COL23A1: variants seen among roughly 807,000 people sequenced by gnomAD.
COL23A1 encodes the protein collagen type XXIII alpha 1 chain, also known as collagen alpha-1(XXIII) chain.
Under a neutral mutation model 99.3 loss-of-function variants are expected in COL23A1, and 97 were observed. The observed-to-expected ratio is 0.98, with a 90% CI of 0.83 to 1.16. The LOEUF (loss-of-function observed/expected upper bound fraction) is 1.16, where lower values mean the gene tolerates loss of function less well. COL23A1 is among the 50% of genes most tolerant of loss of function. The probability of loss-of-function intolerance (pLI) is 0.00; values close to 1 mark genes in which losing one functional copy is unlikely to be tolerated. For synonymous variants in COL23A1, 320 were observed against 308.2 expected (o/e 1.04, Z -0.40); for missense variants, 762 against 757.4 (o/e 1.01, Z -0.07).
intron 2 of COL23A1, among the ~76,000 whole-genome samples, chr5:178,354,411 T>C (rs1366405691): frequency 6.6e-6 from 1 of 152,106 alleles, no homozygotes; most frequent in Admixed American, 6.5e-5. Flanking sequence ...GGTTTTCTCA[T>C]GTGATATGGT....
At chr5:178,347,879 C>CAAAAA (rs748111944) in intron 2 of COL23A1, among the ~76,000 whole-genome samples, 5 of 44,544 alleles carry the variant, frequency 1.1e-4, no homozygotes, top group East Asian at 1.1e-3. Flanking sequence ...GACTCTGTCT[C>CAAAAA]AAAAAAAAAA....
At chr5:178,433,707 AT>A (rs1766391901) in intron 2 of COL23A1, among the ~76,000 whole-genome samples, 1 of 152,202 alleles carries the variant, frequency 6.6e-6, no homozygotes. Context: ...AGAACCAGGG[AT>A]AAATACCAAA....
intron 2 of COL23A1, among the ~76,000 whole-genome samples, chr5:178,519,094 C>A (rs899508780): frequency 1.3e-5 from 2 of 152,002 alleles, no homozygotes; most frequent in African/African-American, 4.8e-5. Context: ...CTCCCTAAGC[C>A]ACCGACCCCA....
chr5:178,286,823 G>C (rs982468828), intron 5 of COL23A1, among the ~76,000 whole-genome samples: 1 of 152,216 alleles, frequency 6.6e-6, no homozygotes, highest in African/African-American at 2.4e-5. Flanking sequence ...GATGCTCGAG[G>C]CTGGTGGGGA....
chr5:178,452,275 T>C (rs564155336), intron 2 of COL23A1, among the ~76,000 whole-genome samples: 2 of 152,286 alleles, frequency 1.3e-5, no homozygotes, highest in East Asian at 3.9e-4. Flanking sequence ...AATATTCAAT[T>C]ATCAGTTGAA....
intron 2 of COL23A1, among the ~76,000 whole-genome samples, chr5:178,400,171 C>T (rs1192589316): frequency 3.3e-5 from 5 of 151,992 alleles, no homozygotes; most frequent in African/African-American, 4.8e-5. Flanking sequence ...TCGAGACCAT[C>T]CTGGCTAACA....
rs114208900 is a variant in COL23A1 at position 178,380,803 on chromosome 5, C to T, written c.362-73884G>A. ...CAGGGACTTCACCTGTCCCCAGCGT[C>T]CTGCTGAGCAGGGTCACAATATGAG... On this transcript the variant is annotated intron_variant, in intron 2 of 28. Coordinates refer to ENST00000390654, the MANE Select transcript of COL23A1 (RefSeq NM_173465.4). 1.6e-3 allele frequency among the ~76,000 whole-genome samples: 246 copies of T among 152,296 alleles called. 1 individual carries two copies. The highest frequency in any genetic ancestry group is 5.6e-3 in the African/African-American group (233 of 41,574).
chr5:178,463,605 T>A (rs573997945), intron 2 of COL23A1, among the ~76,000 whole-genome samples: 148 of 152,280 alleles, frequency 9.7e-4, no homozygotes, highest in Middle Eastern at 3.4e-3. Context: ...GCTTTGCCGA[T>A]GAGGATGCCA....
intron 2 of COL23A1, among the ~76,000 whole-genome samples, chr5:178,333,587 C>T (rs1760158697): frequency 6.6e-6 from 1 of 152,172 alleles, no homozygotes; most frequent in Non-Finnish European, 1.5e-5. Flanking sequence ...CATCCCCTGC[C>T]TCCTGGACCC....
chr5:178,274,413 G>A (rs1264562746), intron 5 of COL23A1, among the ~76,000 whole-genome samples: 3 of 152,240 alleles, frequency 2.0e-5, no homozygotes, highest in African/African-American at 4.8e-5. Flanking sequence ...GGTGGGGGGC[G>A]TGGTCAGGCT....
rs1756898124 is a variant in COL23A1 at position 178,281,511 on chromosome 5, C to T, written c.441+6813G>A. 6.6e-6 allele frequency among the ~76,000 whole-genome samples: 1 copy of T among 152,146 alleles called. No homozygotes were observed. Among genetic ancestry groups the T allele is most frequent in the Non-Finnish European group, 1.5e-5 (1 of 68,020 alleles). ...AGTGCAGTCACCGCTCCCTCGACTCCAGAGGGGCTTGGGCACGGCGCTCCG... is the reference window on the plus strand; with the variant it reads ...AGTGCAGTCACCGCTCCCTCGACTCTAGAGGGGCTTGGGCACGGCGCTCCG... On this transcript the variant is annotated intron_variant, in intron 5 of 28. Transcript: ENST00000390654. The surrounding 1 kb of genome is among the most constrained non-coding windows in gnomAD (Gnocchi z 4.0).
intron 2 of COL23A1, among the ~76,000 whole-genome samples, chr5:178,513,032 G>C (rs898030696): frequency 6.6e-6 from 1 of 152,204 alleles, no homozygotes; most frequent in Non-Finnish European, 1.5e-5. Context: ...TTGAGAAAGA[G>C]AAGGCCATAT....
chr5:178,258,592 T>C (rs1765459997), intron 12 of COL23A1, among the ~76,000 whole-genome samples: 1 of 151,972 alleles, frequency 6.6e-6, no homozygotes, highest in African/African-American at 2.4e-5. Context: ...AGATGGGGTT[T>C]CACCGCGTTA....
At chr5:178,576,409 A>T (rs964130406) in intron 1 of COL23A1, among the ~76,000 whole-genome samples, 1 of 151,930 alleles carries the variant, frequency 6.6e-6, no homozygotes, top group Non-Finnish European at 1.5e-5. Flanking sequence ...TGATTTTTGT[A>T]TTTTTAGTAG....
At chr5:178,573,119 G>A (rs1012409730) in intron 1 of COL23A1, among the ~76,000 whole-genome samples, 22 of 152,210 alleles carry the variant, frequency 1.4e-4, no homozygotes, top group South Asian at 4.1e-4. Context: ...TCCCTATCTA[G>A]ACTGTGGAGA....
chr5:178,347,213 C>T (rs774857739), intron 2 of COL23A1, among the ~76,000 whole-genome samples: 3 of 152,198 alleles, frequency 2.0e-5, no homozygotes, highest in Non-Finnish European at 4.4e-5. Context: ...GGCCGTGGAA[C>T]ACCTGAAATA....
intron 2 of COL23A1, among the ~76,000 whole-genome samples, chr5:178,490,817 ATG>A (rs1757893087): frequency 6.6e-6 from 1 of 152,192 alleles, no homozygotes; most frequent in Non-Finnish European, 1.5e-5. Flanking sequence ...TATGTTATGT[ATG>A]TTTTACCACA....
chr5:178,380,146 T>G (rs1275926557), intron 2 of COL23A1, among the ~76,000 whole-genome samples: 2 of 152,154 alleles, frequency 1.3e-5, no homozygotes, highest in Non-Finnish European at 2.9e-5. Context: ...TTTTTACCAC[T>G]GAGGAATGGT....
rs145788272 is a variant in COL23A1 at position 178,532,517 on chromosome 5, C to T, written c.361+28165G>A. The stretch of plus-strand genomic sequence containing the variant: ...AGCCATCTGCACCTGGCACTTCACT[C>T]GAGTCAAACAGAAACCCCATACAGG... On this transcript the variant is annotated intron_variant, in intron 2 of 28. Transcript: ENST00000390654. Among the ~76,000 whole-genome samples, 53 of 152,236 alleles carry T rather than the reference C, an allele frequency of 3.5e-4. No homozygotes were observed. In the East Asian group the frequency reaches 8.3e-3, roughly 24 times the overall value.
Sources: allele counts gnomAD v4.1 joint callset (sites outside exome capture counted in the v4.1 genomes callset), GRCh38; gene constraint gnomAD v4.1.1; non-coding constraint Gnocchi (gnomAD v3.1); transcripts MANE v1.5; gene names NCBI Gene and HGNC (gene_info 2026-07-23, HGNC 2026-07-21).